The following GRAMD4 variants were observed in gnomAD, a reference collection of about 807,000 sequenced individuals.
GRAMD4 encodes the protein GRAM domain containing 4, also known as GRAM domain-containing protein 4.
In GRAMD4, 25 loss-of-function variants were observed where a neutral mutation model predicts 83.9. The ratio of observed to expected loss-of-function variants is 0.30; its 90% CI spans 0.22 to 0.42. The LOEUF (loss-of-function observed/expected upper bound fraction) is 0.42, where lower values mean the gene tolerates loss of function less well. GRAMD4 is among the 10% of genes least tolerant of loss of function. The probability of loss-of-function intolerance (pLI) is 1.00; values close to 1 mark genes in which losing one functional copy is unlikely to be tolerated. For missense variants in GRAMD4, 593 were observed against 788.7 expected (o/e 0.75, Z 2.97); for synonymous variants, 336 against 320.9 (o/e 1.05, Z -0.50).
chr22:46,680,281 C>A (rs1346306418), downstream of GRAMD4, among the ~76,000 whole-genome samples: 1 of 152,058 alleles, frequency 6.6e-6, no homozygotes, highest in Non-Finnish European at 1.5e-5. Flanking sequence ...GGTGCAAGGA[C>A]CTGCCTGGCT....
chr22:46,663,671 C>G (rs964063391), intron 6 of GRAMD4, among the ~76,000 whole-genome samples, 167 bp from the exon 7 acceptor site: 2 of 152,214 alleles, frequency 1.3e-5, no homozygotes, highest in African/African-American at 2.4e-5. Flanking sequence ...CCCGGCGCAC[C>G]CTGCTGTGCT....
intron 1 of GRAMD4, among the ~76,000 whole-genome samples, chr22:46,606,563 C>T (rs2081367078): frequency 2.0e-5 from 2 of 99,694 alleles, no homozygotes; most frequent in African/African-American, 3.3e-5. Context: ...TCTGCATGGG[C>T]CTATGGCCGG....
At chr22:46,576,059 A>AT (rs1245914034), upstream of GRAMD4, 1 of 152,762 alleles carries the variant, frequency 6.5e-6, no homozygotes, top group Non-Finnish European at 1.5e-5. Context: ...AAGGTTGGAG[A>AT]TGCCTGTGGG....
chr22:46,676,466 G>A, intron 17 of GRAMD4, 134 bp from the exon 18 acceptor site: 1 of 704,594 alleles, frequency 1.4e-6, no homozygotes, highest in Non-Finnish European at 2.4e-6. Flanking sequence ...ACCTTCTGTT[G>A]TTTGGAAGTC....
intron 2 of GRAMD4, among the ~76,000 whole-genome samples, chr22:46,628,335 C>T (rs941184289): frequency 2.0e-5 from 3 of 152,182 alleles, no homozygotes; most frequent in African/African-American, 4.8e-5. Flanking sequence ...GCTGGGGTTT[C>T]GTCCCTGTCC....
chr22:46,679,677 A>G lies in GRAMD4; in HGVS notation c.*2426A>G. The stretch of plus-strand genomic sequence containing the variant: ...GATTGTACTGTATTAAGAACCGATG[A>G]AAAAAATTCTCCTGTAACATTTTTT... On this transcript the variant is annotated 3_prime_UTR_variant, in exon 19 of 19. Coordinates refer to ENST00000406902, the MANE Select transcript of GRAMD4 (RefSeq NM_015124.5). 1.0e-6 allele frequency: 1 copy of G among 981,276 alleles called. No individual in the cohort carries two copies. The highest frequency in any genetic ancestry group is 1.2e-6 in the Non-Finnish European group (1 of 825,922). The allele number at this position is 981,276 out of a possible 1,614,324, so 60.8% of individuals were successfully genotyped here. A position where few individuals can be genotyped will look rare whatever the true frequency, so the allele number is the denominator to read the frequency against.
chr22:46,616,670 A>G (rs1165505778), upstream of GRAMD4, among the ~76,000 whole-genome samples: 4 of 83,980 alleles, frequency 4.8e-5, no homozygotes, highest in Admixed American at 1.5e-4. Context: ...CCCTGTGTGT[A>G]GGTTCCCCTG....
intron 2 of GRAMD4, among the ~76,000 whole-genome samples, chr22:46,632,007 T>C (rs528826887): frequency 2.0e-5 from 3 of 150,886 alleles, no homozygotes; most frequent in Non-Finnish European, 3.0e-5. Context: ...GGTAGACCCT[T>C]ACGGCGTGTG....
In GRAMD4 at chr22:46,626,917, G is replaced by C; in HGVS notation, c.118G>C (p.Val40Leu). 6.2e-7 allele frequency: 1 copy of C among 1,614,156 alleles called. No individual in the cohort carries two copies. Among genetic ancestry groups the C allele is most frequent in the Non-Finnish European group, 8.5e-7 (1 of 1,180,000 alleles). Residue 40 changes from valine (V) to leucine (L), a missense_variant, in exon 2 of 19, where the codon GTA (valine) becomes CTA (leucine). Val to Leu is a conservative substitution (Grantham distance 32). This residue lies in a region of GRAMD4 where 312 missense variants were observed against 350.7 expected (regional missense o/e 0.89). Coordinates refer to ENST00000406902, the MANE Select transcript of GRAMD4 (RefSeq NM_015124.5). ...TECSDEIPLK[V>L]PRTSPRDSEE... ...ATGCAGCGACGAAATCCCCCTGAAG[G>C]TACCGCGGACCTCGCCCCGGGACAG...
At chr22:46,620,116 CT>C (rs1163342084), upstream of GRAMD4, among the ~76,000 whole-genome samples, 123 of 147,224 alleles carry the variant, frequency 8.4e-4, no homozygotes, top group Non-Finnish European at 7.8e-4. This position sits in a 1 kb window ranked among gnomAD's most constrained non-coding sequence, Gnocchi z 4.7. Context: ...CCAGGAACCA[CT>C]TTTTTTTTTT....
upstream of GRAMD4, among the ~76,000 whole-genome samples, chr22:46,616,209 CGTTCCCCTGTGCGTGTAG>C (rs1323751351): frequency 4.3e-5 from 1 of 23,526 alleles, no homozygotes; most frequent in Non-Finnish European, 7.3e-5. Context: ...CCTGTATGTA[CGTTCCCCTGTGCGTGTAG>C]GTTCCCCTGT....
intron 1 of GRAMD4, among the ~76,000 whole-genome samples, chr22:46,602,033 C>T (rs147443477): frequency 3.3e-5 from 5 of 152,288 alleles, no homozygotes; most frequent in East Asian, 1.9e-4. Context: ...TGGCCAGGCA[C>T]GTGCTGGCAA....
chr22:46,622,495 G>A lies in GRAMD4; in HGVS notation c.-50+1930G>A, dbSNP rs1000827011. Among the ~76,000 whole-genome samples, 1 of 152,132 alleles carries A rather than the reference G, an allele frequency of 6.6e-6. No individual in the cohort carries two copies. Among genetic ancestry groups the A allele is most frequent in the Non-Finnish European group, 1.5e-5 (1 of 68,040 alleles). ...AAAAGCAGTAAAAATGGTGGTTACC[G>A]GGGGCTTGGGGAGGGCATGGGAGTT... On this transcript the variant is annotated intron_variant, in intron 1 of 18. Coordinates refer to ENST00000406902, the MANE Select transcript of GRAMD4 (RefSeq NM_015124.5). This position sits in a 1 kb window ranked among gnomAD's most constrained non-coding sequence, Gnocchi z 4.0.
chr22:46,639,935 T>C (rs2081951106), intron 3 of GRAMD4, among the ~76,000 whole-genome samples: 2 of 152,132 alleles, frequency 1.3e-5, no homozygotes, highest in South Asian at 4.1e-4. Context: ...ATGACCGTCC[T>C]GGTGACCTGC....
chr22:46,592,086 G>C (rs1341018678), intron 1 of GRAMD4, among the ~76,000 whole-genome samples: 1 of 152,034 alleles, frequency 6.6e-6, no homozygotes, highest in African/African-American at 2.4e-5. Context: ...TGATGTCACG[G>C]GAGTCGAGAC....
intron 1 of GRAMD4, among the ~76,000 whole-genome samples, chr22:46,603,515 C>CTTT (rs71192425): frequency 1.2e-5 from 1 of 81,590 alleles, no homozygotes; most frequent in African/African-American, 4.4e-5. Flanking sequence ...GGCCTCTTCT[C>CTTT]TTTTTTTTTT....
chr22:46,624,694 G>A (rs1411846754), intron 1 of GRAMD4, among the ~76,000 whole-genome samples: 2 of 152,068 alleles, frequency 1.3e-5, no homozygotes, highest in Non-Finnish European at 2.9e-5. Flanking sequence ...GCAATTTGTA[G>A]CTCCTATATG....
At chr22:46,658,070 G>T in intron 3 of GRAMD4, 117 bp from the exon 4 acceptor site, 2 of 1,286,960 alleles carry the variant, frequency 1.6e-6, no homozygotes, top group South Asian at 2.4e-5. Context: ...GCTCAGGTCC[G>T]CTTACGGAGC....
rs2081917604 is a variant in GRAMD4 at position 46,638,044 on chromosome 22, C to T, written c.283+84C>T. The stretch of plus-strand genomic sequence containing the variant: ...TGGGGGATGTCGTCTTGCCCAGGAG[C>T]TGGGTCTGGTGAAGACCCACGCAGG... On this transcript the variant is annotated intron_variant, in intron 3 of 18. Transcript: ENST00000406902. 4 of 1,475,132 alleles carry T rather than the reference C, an allele frequency of 2.7e-6. No individual in the cohort carries two copies. The Admixed American group carries it at 5.2e-5, about 19-fold the overall frequency. The allele number at this position is 1,475,132 out of a possible 1,614,324, so 91.4% of individuals were successfully genotyped here. A position where few individuals can be genotyped will look rare whatever the true frequency, so the allele number is the denominator to read the frequency against.
Sources: gnomAD v4.1 joint callset for allele counts (sites outside exome capture counted in the v4.1 genomes callset) on GRCh38, gnomAD v4.1.1 for gene constraint, gnomAD v4.1.1 regional missense constraint, Gnocchi (gnomAD v3.1) non-coding constraint, MANE v1.5 for transcripts, NCBI Gene and HGNC (gene_info 2026-07-23, HGNC 2026-07-21) for gene names.